LRRFIP1: variants seen among roughly 807,000 people sequenced by gnomAD.
LRRFIP1 encodes LRR binding FLII interacting protein 1, also known as leucine-rich repeat flightless-interacting protein 1.
A neutral mutation model predicts 104.4 loss-of-function variants in LRRFIP1; 62 were observed. The observed-to-expected ratio is 0.59, with a 90% CI of 0.48 to 0.73. The LOEUF (loss-of-function observed/expected upper bound fraction) is 0.73, where lower values mean the gene tolerates loss of function less well. Ranked by LOEUF, LRRFIP1 falls within the 30% of genes least tolerant of loss-of-function variation. The pLI is 0.00. For missense variants in LRRFIP1, 796 were observed against 824.5 expected, an observed-to-expected ratio of 0.97 and a Z score of 0.42; for synonymous variants, 300 against 299.0, an observed-to-expected ratio of 1.00 and a Z score of -0.03.
intron 2 of LRRFIP1, 45 bp downstream of exon 2, chr2:237,708,675 G>T (rs540806655): frequency 5.1e-6 from 8 of 1,555,052 alleles, no homozygotes; most frequent in Non-Finnish European, 6.1e-6. Flanking sequence ...AGTGATTTGC[G>T]TGCTGGGCCC....
intron 1 of LRRFIP1, among the ~76,000 whole-genome samples, chr2:237,665,222 T>C (rs1315840484): frequency 6.6e-6 from 1 of 152,162 alleles, no homozygotes; most frequent in Non-Finnish European, 1.5e-5. Context: ...TAAAGTAAAA[T>C]ACAATAGTAA....
chr2:237,637,100 G>A (rs376802001), intron 1 of LRRFIP1, among the ~76,000 whole-genome samples: 1 of 152,166 alleles, frequency 6.6e-6, no homozygotes, highest in Non-Finnish European at 1.5e-5. Context: ...TACTGAGAGC[G>A]AAATAAAATG....
chr2:237,686,151 T>A (rs2092351559), intron 1 of LRRFIP1, among the ~76,000 whole-genome samples: 1 of 152,206 alleles, frequency 6.6e-6, no homozygotes, highest in Non-Finnish European at 1.5e-5. Flanking sequence ...ATCATCACCT[T>A]TAACTAATCG....
intron 8 of LRRFIP1, 91 bp downstream of exon 8, chr2:237,728,026 C>T (rs992258949): frequency 3.2e-6 from 3 of 925,800 alleles, no homozygotes; most frequent in Non-Finnish European, 5.0e-6. Context: ...TTAAATTTAG[C>T]TTCTTTGCTG....
intron 1 of LRRFIP1, among the ~76,000 whole-genome samples, chr2:237,694,560 G>T (rs2093036934): frequency 6.6e-6 from 1 of 152,180 alleles, no homozygotes; most frequent in Non-Finnish European, 1.5e-5. Context: ...TTTCACACTG[G>T]TTTGTGCCAG....
chr2:237,721,698 G>A (rs1177096877), intron 6 of LRRFIP1: 1 of 152,218 alleles, frequency 6.6e-6, no homozygotes, highest in Non-Finnish European at 1.5e-5. Flanking sequence ...CATGCACTGA[G>A]TGTGCATGTA....
Position 237,772,105 on chromosome 2 carries a change from G to T in LRRFIP1, c.1534G>T (p.Glu512Ter). The T allele has an allele frequency of 6.2e-7, 1 of 1,613,726 alleles. No individual in the cohort carries two copies. Among genetic ancestry groups the T allele is most frequent in the Non-Finnish European group, 8.5e-7 (1 of 1,179,740 alleles). ...EQIKKLKGQL[E>*]ERQKIGKLDN... is the part of the protein sequence containing the mutation. ...GATTAAGAAACTCAAAGGGCAGCTGGAGGAGAGACAGAAGATTGGCAAACT... is the reference window on the plus strand; with the variant it reads ...GATTAAGAAACTCAAAGGGCAGCTGTAGGAGAGACAGAAGATTGGCAAACT... The change falls in exon 21 of 24, where the codon GAG becomes TAG. Residue 512 changes from glutamate to a stop codon, truncating the protein, a stop_gained. Coordinates refer to ENST00000308482, the MANE Select transcript of LRRFIP1 (RefSeq NM_001137550.2). LOFTEE classifies it high-confidence loss of function.
At chr2:237,643,474 T>A (rs967524897) in intron 1 of LRRFIP1, among the ~76,000 whole-genome samples, 14 of 152,248 alleles carry the variant, frequency 9.2e-5, no homozygotes, top group Non-Finnish European at 2.1e-4. Context: ...ATGTTCCTGA[T>A]TAGCAGAGGG....
chr2:237,659,735 G>T (rs1375815488), intron 1 of LRRFIP1, among the ~76,000 whole-genome samples: 1 of 151,798 alleles, frequency 6.6e-6, no homozygotes, highest in East Asian at 1.9e-4. Flanking sequence ...CTCGCTCCTG[G>T]GCTCAAGGGG....
intron 14 of LRRFIP1, 99 bp downstream of exon 14, chr2:237,751,370 G>A: frequency 1.1e-6 from 1 of 909,766 alleles, no homozygotes; most frequent in Non-Finnish European, 1.7e-6. Flanking sequence ...CATGCTTACT[G>A]TAAATAGGCT....
Position 237,717,414 on chromosome 2 carries a change from G to T in LRRFIP1, c.202-348G>T, listed in dbSNP as rs538164611. On this transcript the variant is annotated intron_variant, in intron 3 of 23. Transcript: ENST00000308482. The surrounding 1 kb of genome is among the most constrained non-coding windows in gnomAD (Gnocchi z 4.2). ...ATTCCTTCATCGCGTTTGCTTTGAA[G>T]GCATGAGCAGCCTGTTGGAGGGGGC... 4.0e-4 allele frequency among the ~76,000 whole-genome samples: 61 copies of T among 152,356 alleles called. No individual in the cohort carries two copies. The highest frequency in any genetic ancestry group is 6.2e-4 in the South Asian group (3 of 4,832).
intron 1 of LRRFIP1, among the ~76,000 whole-genome samples, chr2:237,668,860 A>G (rs1425507454): frequency 6.6e-6 from 1 of 152,232 alleles, no homozygotes. Context: ...TTCAGGCAAT[A>G]GTAGAAAATA....
At chr2:237,707,772 C>T (rs1045968968) in intron 1 of LRRFIP1, among the ~76,000 whole-genome samples, 1 of 152,186 alleles carries the variant, frequency 6.6e-6, no homozygotes, top group Non-Finnish European at 1.5e-5. Context: ...GCATTTGAAA[C>T]GTTCTCACGG....
chr2:237,698,435 T>C (rs568506650), intron 1 of LRRFIP1, among the ~76,000 whole-genome samples: 1 of 152,334 alleles, frequency 6.6e-6, no homozygotes, highest in South Asian at 2.1e-4. Context: ...AACTCAGACC[T>C]TTACTGAGAA....
intron 1 of LRRFIP1, among the ~76,000 whole-genome samples, chr2:237,647,919 T>C (rs1425929093): frequency 6.6e-6 from 1 of 152,082 alleles, no homozygotes; most frequent in East Asian, 1.9e-4. Flanking sequence ...CAAGACAGCA[T>C]TTCAAACCAT....
chr2:237,637,151 T>C (rs1559442226), intron 1 of LRRFIP1, among the ~76,000 whole-genome samples: 1 of 152,130 alleles, frequency 6.6e-6, no homozygotes, highest in African/African-American at 2.4e-5. Flanking sequence ...AACAAAAAAA[T>C]ATGAGATTTT....
At chr2:237,682,304 CCT>C (rs146807503) in intron 1 of LRRFIP1, among the ~76,000 whole-genome samples, 2,189 of 152,324 alleles carry the variant, frequency 0.014, 48 homozygotes, top group African/African-American at 0.049. Context: ...GCTCAGGTCC[CCT>C]GTTACTTGCA....
chr2:237,729,448 TAAGAC>T (rs1262546780), intron 8 of LRRFIP1, among the ~76,000 whole-genome samples: 1 of 150,808 alleles, frequency 6.6e-6, no homozygotes, highest in Non-Finnish European at 1.5e-5. Flanking sequence ...CCCAAGGAGA[TAAGAC>T]AAGGAGTTTA....
At chr2:237,701,748 G>A (rs1229562177) in intron 1 of LRRFIP1, among the ~76,000 whole-genome samples, 1 of 152,194 alleles carries the variant, frequency 6.6e-6, no homozygotes, top group African/African-American at 2.4e-5. Context: ...CTGCTGTGTG[G>A]TTCTGTCTAG....
Sources: allele counts gnomAD v4.1 joint callset (sites outside exome capture counted in the v4.1 genomes callset), GRCh38; gene constraint gnomAD v4.1.1; non-coding constraint Gnocchi (gnomAD v3.1); transcripts MANE v1.5; gene names NCBI Gene and HGNC (gene_info 2026-07-23, HGNC 2026-07-21).